Variants in UVRAG observed in about 807,000 individuals in gnomAD.
The protein encoded by UVRAG is UV radiation resistance-associated gene protein.
UVRAG carries 19 observed loss-of-function variants against 78.0 expected under a neutral mutation model. The observed-to-expected ratio is 0.24, with a 90% confidence interval of 0.17 to 0.36. The LOEUF is 0.36. Ranked by LOEUF, UVRAG falls within the 10% of genes least tolerant of loss-of-function variation. The probability of loss-of-function intolerance (pLI) is 1.00; values close to 1 mark genes in which losing one functional copy is unlikely to be tolerated. For missense variants in UVRAG, 740 were observed against 853.8 expected, an observed-to-expected ratio of 0.87 and a Z score of 1.66; for synonymous variants, 323 against 324.6, an observed-to-expected ratio of 1.00 and a Z score of 0.05.
intron 7 of UVRAG, among the ~76,000 whole-genome samples, chr11:75,968,109 A>G (rs944541793): frequency 6.6e-6 from 1 of 152,186 alleles, no homozygotes; most frequent in African/African-American, 2.4e-5. Context: ...AAAGTTTCAG[A>G]TTTTGTAGCA....
At chr11:75,857,670 A>G (rs1160708540) in intron 2 of UVRAG, among the ~76,000 whole-genome samples, 1 of 151,960 alleles carries the variant, frequency 6.6e-6, no homozygotes, top group Non-Finnish European at 1.5e-5. Context: ...TTGTAGTTTT[A>G]GTAGAGATGG....
intron 8 of UVRAG, among the ~76,000 whole-genome samples, chr11:75,991,776 A>G (rs996076935): frequency 6.6e-6 from 1 of 152,130 alleles, no homozygotes; most frequent in African/African-American, 2.4e-5. Flanking sequence ...ATATTTGCCT[A>G]TTAGGATAGA....
chr11:76,078,996 A>G (rs35689214), intron 13 of UVRAG, among the ~76,000 whole-genome samples: 3,164 of 152,232 alleles, frequency 0.021, 48 homozygotes, highest in Non-Finnish European at 0.033. Context: ...GGCAGATAGT[A>G]TCTTTCTGCT....
intron 8 of UVRAG, among the ~76,000 whole-genome samples, chr11:75,994,940 GTCCTTAGA>G (rs1949676037): frequency 6.6e-6 from 1 of 152,078 alleles, no homozygotes; most frequent in African/African-American, 2.4e-5. Context: ...TTCCAACTTT[GTCCTTAGA>G]CAGGTCTTTC....
chr11:76,033,445 A>C (rs1383289272), intron 12 of UVRAG, among the ~76,000 whole-genome samples: 1 of 152,088 alleles, frequency 6.6e-6, no homozygotes, highest in Non-Finnish European at 1.5e-5. Context: ...GAGACTCATA[A>C]GTTTTTAGAA....
intron 7 of UVRAG, among the ~76,000 whole-genome samples, chr11:75,964,993 CTTA>C (rs944443500): frequency 6.6e-6 from 1 of 152,198 alleles, no homozygotes; most frequent in African/African-American, 2.4e-5. Flanking sequence ...ACCAAACTCA[CTTA>C]TTATCATAGA....
intron 14 of UVRAG, among the ~76,000 whole-genome samples, chr11:76,124,227 T>C (rs977231937): frequency 3.9e-4 from 59 of 152,380 alleles, no homozygotes; most frequent in African/African-American, 1.3e-3. Context: ...TATTATTAAG[T>C]ATTAAAGAAT....
In UVRAG at chr11:75,880,056, T is replaced by A; in HGVS notation, c.432+16T>A. On this transcript the variant is annotated intron_variant, in intron 4 of 14. Transcript: ENST00000356136. ...GGGTCAGCAGGTAATTTTTAGACTG[T>A]AGTTTCAAGTAGTTGTCATCTCCAA... is the stretch of plus-strand genomic sequence containing the variant. 1 of 1,612,276 alleles carries A rather than the reference T, an allele frequency of 6.2e-7. No individual in the cohort carries two copies. Among genetic ancestry groups the A allele is most frequent in the South Asian group, 1.1e-5 (1 of 90,966 alleles).
chr11:75,847,172 G>C (rs996343096), intron 1 of UVRAG, among the ~76,000 whole-genome samples: 1 of 151,382 alleles, frequency 6.6e-6, no homozygotes, highest in African/African-American at 2.4e-5. Flanking sequence ...CTGTTACCCA[G>C]GCTGGAGTGC....
intron 14 of UVRAG, 36 bp from the exon 15 acceptor site, chr11:76,140,675 G>A (rs7121451): frequency 0.032 from 49,562 of 1,533,534 alleles, 1,024 homozygotes; most frequent in African/African-American, 0.088. Flanking sequence ...GAGTTCTGAA[G>A]TCCAAAGTAA....
chr11:76,100,013 A>G (rs76113665), intron 13 of UVRAG, among the ~76,000 whole-genome samples: 1 of 152,028 alleles, frequency 6.6e-6, no homozygotes, highest in African/African-American at 2.4e-5. Flanking sequence ...TTGACTTGTG[A>G]CCATTATACT....
At chr11:76,024,940 G>A (rs1384146310) in intron 12 of UVRAG, among the ~76,000 whole-genome samples, 1 of 152,092 alleles carries the variant, frequency 6.6e-6, no homozygotes, top group African/African-American at 2.4e-5. Flanking sequence ...TTAATGTAAT[G>A]GCCCTAGGAA....
intron 13 of UVRAG, among the ~76,000 whole-genome samples, chr11:76,076,049 T>C (rs1443043015): frequency 1.6e-4 from 25 of 152,236 alleles, no homozygotes; most frequent in Non-Finnish European, 5.9e-5. Context: ...AATGCTGTTA[T>C]GAACATTTGG....
At chr11:75,828,082 G>A (rs1282724487) in intron 1 of UVRAG, among the ~76,000 whole-genome samples, 1 of 152,080 alleles carries the variant, frequency 6.6e-6, no homozygotes, top group African/African-American at 2.4e-5. Context: ...GCTGTGGGGT[G>A]CTCATTACAG....
At chr11:75,832,055 A>G (rs1235730066) in intron 1 of UVRAG, among the ~76,000 whole-genome samples, 2 of 152,220 alleles carry the variant, frequency 1.3e-5, no homozygotes, top group Non-Finnish European at 2.9e-5. Flanking sequence ...CTTTCACACC[A>G]TCATAAAGTA....
intron 14 of UVRAG, among the ~76,000 whole-genome samples, chr11:76,133,598 C>T (rs1262564608): frequency 6.6e-6 from 1 of 152,118 alleles, no homozygotes; most frequent in Non-Finnish European, 1.5e-5. Context: ...TATAAAAGTG[C>T]TGAATATGGT....
At chr11:75,955,347 AATC>A (rs1436469384) in intron 6 of UVRAG, among the ~76,000 whole-genome samples, 29 of 152,318 alleles carry the variant, frequency 1.9e-4, no homozygotes, top group African/African-American at 7.0e-4. Context: ...TGACCTAAGA[AATC>A]ATCAATAAAT....
At chr11:76,116,591 G>A (rs1952184899) in intron 14 of UVRAG, among the ~76,000 whole-genome samples, 2 of 152,032 alleles carry the variant, frequency 1.3e-5, no homozygotes, top group South Asian at 2.1e-4. Context: ...AGGAGAGAGG[G>A]GAAGTCTGAT....
At chr11:75,990,708 C>G (rs968752295) in intron 8 of UVRAG, among the ~76,000 whole-genome samples, 2 of 152,196 alleles carry the variant, frequency 1.3e-5, no homozygotes, top group African/African-American at 4.8e-5. Flanking sequence ...CCTTCTCTTT[C>G]TCCTCCCACC....
Sources: allele counts gnomAD v4.1 joint callset (sites outside exome capture counted in the v4.1 genomes callset), GRCh38; gene constraint gnomAD v4.1.1; transcripts MANE v1.5; gene names NCBI Gene and HGNC (gene_info 2026-07-23, HGNC 2026-07-21).